The following USP42 variants were observed in gnomAD, a reference collection of about 807,000 sequenced individuals.
The protein encoded by USP42 is ubiquitin carboxyl-terminal hydrolase 42.
In USP42, 23 loss-of-function variants were observed where a neutral mutation model predicts 113.0. The ratio of observed to expected loss-of-function variants is 0.20; its 90% CI spans 0.15 to 0.29. USP42 has a LOEUF of 0.29. Ranked by LOEUF, USP42 falls within the 10% of genes least tolerant of loss-of-function variation. The pLI is 1.00. For missense variants in USP42, 2,174 were observed against 1,779.8 expected, an observed-to-expected ratio of 1.22 and a Z score of -3.99; for synonymous variants, 933 against 699.0, an observed-to-expected ratio of 1.33 and a Z score of -5.28.
intron 14 of USP42, among the ~76,000 whole-genome samples, chr7:6,151,881 C>A (rs1050935126): frequency 1.3e-5 from 2 of 152,190 alleles, no homozygotes; most frequent in Admixed American, 6.5e-5. Context: ...TGGACTGTTA[C>A]AGTGACGGGA....
At position 6,105,717 on chromosome 7, in the gene USP42, G is replaced by T. The variant is rs571420952; in HGVS notation, c.-10+685G>T. Among the ~76,000 whole-genome samples, 70 of 152,302 alleles carry T rather than the reference G, an allele frequency of 4.6e-4. 1 individual carries two copies. The highest frequency in any genetic ancestry group is 1.6e-3 in the African/African-American group (66 of 41,568). Reference sequence around the variant, plus strand: ...CCAAAAGCATGTGTGCCTCTCTAGCGTTTTTTATTTTCGGGGCAGGAAGAG... The same window carrying T: ...CCAAAAGCATGTGTGCCTCTCTAGCTTTTTTTATTTTCGGGGCAGGAAGAG... On this transcript the variant is annotated intron_variant, in intron 1 of 17. Coordinates refer to ENST00000306177, the MANE Select transcript of USP42 (RefSeq NM_032172.3).
At position 6,154,414 on chromosome 7, in the gene USP42, C is replaced by T. The variant is rs749947122; in HGVS notation, c.2860C>T (p.Arg954Cys). ...CAGAAAGGTGGACCGAGGCCACTAC[C>T]GCAGCCGGAGAGAGCGCTCGTCCAG... The part of the protein sequence containing the change: ...SLRKVDRGHY[R>C]SRRERSSSGE... Residue 954 changes from arginine (R) to cysteine (C), a missense_variant, in exon 15 of 18, where the codon CGC (arginine) becomes TGC (cysteine). Transcript: ENST00000306177. 6.3e-6 allele frequency: 10 copies of T among 1,576,136 alleles called. No individual in the cohort carries two copies. The highest frequency in any genetic ancestry group is 1.2e-5 in the South Asian group (1 of 85,970).
chr7:6,157,292 A>C lies in USP42; in HGVS notation c.3943+237A>C. 8.2e-7 allele frequency: 1 copy of C among 1,214,616 alleles called. No individual in the cohort carries two copies. Among genetic ancestry groups the C allele is most frequent in the Non-Finnish European group, 1.0e-6 (1 of 976,874 alleles). 75.2% of individuals were successfully genotyped at this position (1,214,616 alleles called of 1,614,324 possible). On this transcript the variant is annotated intron_variant, in intron 16 of 17. Coordinates refer to ENST00000306177, the MANE Select transcript of USP42 (RefSeq NM_032172.3). The surrounding 1 kb of genome is among the most constrained non-coding windows in gnomAD (Gnocchi z 4.1). ...TAAGTGACACAGGACTGAGGGCAGCACTACCTGTGTCACCAAAGCCCTGGA... is the reference window on the plus strand; with the variant it reads ...TAAGTGACACAGGACTGAGGGCAGCCCTACCTGTGTCACCAAAGCCCTGGA...
the USP42 span, among the ~76,000 whole-genome samples, chr7:6,091,525 G>T: frequency 0.038 from 5,743 of 150,792 alleles, 531 homozygotes; most frequent in East Asian, 0.39. Flanking sequence ...GCCATGCCCA[G>T]TGCCATACAT....
rs1205907506 is a variant in USP42 at position 6,158,324 on chromosome 7, G to C, written c.3944-1126G>C. Reference sequence around the variant, plus strand: ...TTTATTATTGCCCCTTGACAGAAAGGGTTTGTCACCCCTGCCTGGACGCCC... The same window carrying C: ...TTTATTATTGCCCCTTGACAGAAAGCGTTTGTCACCCCTGCCTGGACGCCC... On this transcript the variant is annotated intron_variant, in intron 16 of 17. Coordinates refer to ENST00000306177, the MANE Select transcript of USP42 (RefSeq NM_032172.3). The surrounding 1 kb of genome is among the most constrained non-coding windows in gnomAD (Gnocchi z 4.2). Among the ~76,000 whole-genome samples the C allele has an allele frequency of 6.6e-6, 1 of 152,196 alleles. No homozygotes were observed. The highest frequency in any genetic ancestry group is 1.5e-5 in the Non-Finnish European group (1 of 68,026).
rs79062432 is a variant in USP42 at position 6,138,765 on chromosome 7, T to A, written c.554-327T>A. On this transcript the variant is annotated intron_variant, in intron 4 of 17. Transcript: ENST00000306177. ...AACCCTATTGTGAACTGTGTGTGCA[T>A]GGGATCCAGGTTCCATGCTCCTTAG... Among the ~76,000 whole-genome samples, 997 of 152,302 alleles carry A rather than the reference T, an allele frequency of 6.5e-3. 9 individuals carry two copies. The highest frequency in any genetic ancestry group is 0.023 in the African/African-American group (956 of 41,576).
chr7:6,121,980 C>G (rs528384700), intron 3 of USP42, among the ~76,000 whole-genome samples: 1 of 152,168 alleles, frequency 6.6e-6, no homozygotes, highest in Non-Finnish European at 1.5e-5. Flanking sequence ...TTTGATCAAT[C>G]TGACCAGAAG....
At chr7:6,086,937 A>T in the USP42 span, among the ~76,000 whole-genome samples, 1 of 150,240 alleles carries the variant, frequency 6.7e-6, no homozygotes, top group Non-Finnish European at 1.5e-5. Flanking sequence ...CATGTTGGCC[A>T]GGCTTGTCTC....
chr7:6,129,899 A>G (rs1780756567), intron 3 of USP42, among the ~76,000 whole-genome samples: 2 of 152,060 alleles, frequency 1.3e-5, no homozygotes, highest in Admixed American at 1.3e-4. Context: ...ATACATTTAG[A>G]ACCATATCAG....
intron 12 of USP42, 94 bp from the exon 13 acceptor site, chr7:6,149,489 A>C (rs952688736): frequency 3.4e-6 from 5 of 1,473,342 alleles, no homozygotes; most frequent in African/African-American, 1.4e-5. Context: ...AAAAAAAAAA[A>C]AGCAAAATGG....
intron 3 of USP42, among the ~76,000 whole-genome samples, chr7:6,133,485 T>C (rs143606864): frequency 9.2e-5 from 14 of 152,320 alleles, no homozygotes; most frequent in Non-Finnish European, 1.9e-4. Flanking sequence ...TAATCTGTTA[T>C]TAATTACATC....
At chr7:6,136,533 A>G (rs1781163271) in intron 4 of USP42, among the ~76,000 whole-genome samples, 1 of 152,218 alleles carries the variant, frequency 6.6e-6, no homozygotes, top group Admixed American at 6.5e-5. Context: ...ATATGTTAAA[A>G]TAATTGGTAA....
At position 6,112,922 on chromosome 7, in the gene USP42, G is replaced by A. The variant is rs962981746; in HGVS notation, c.241+1548G>A. Reference sequence around the variant, plus strand: ...TTTCTTTTTTTTTTTTTTTTTTTTTGAGACAGAGTCTCGCTCTGTCGCCCA... The same window carrying A: ...TTTCTTTTTTTTTTTTTTTTTTTTTAAGACAGAGTCTCGCTCTGTCGCCCA... On this transcript the variant is annotated intron_variant, in intron 2 of 17. Transcript: ENST00000306177. Among the ~76,000 whole-genome samples the A allele has an allele frequency of 1.9e-4, 5 of 26,938 alleles. No individual in the cohort carries two copies. The Admixed American group carries it at 2.0e-3, about 11-fold the overall frequency. The allele number at this position is 26,938 out of a possible 152,430, so 17.7% of individuals were successfully genotyped here.
rs10245670 is a variant in USP42 at position 6,159,168 on chromosome 7, C to T, written c.3944-282C>T. 3.0e-3 allele frequency among the ~76,000 whole-genome samples: 450 copies of T among 152,308 alleles called. 2 individuals carry two copies. The highest frequency in any genetic ancestry group is 0.01 in the African/African-American group (419 of 41,572). ...TCAAACTCCTCCTCTGGCTCTGTTC[C>T]GCCCAGTTCAGTTCTTGGGCCTGAT... On this transcript the variant is annotated intron_variant, in intron 16 of 17. Transcript: ENST00000306177. This position sits in a 1 kb window ranked among gnomAD's most constrained non-coding sequence, Gnocchi z 4.1.
intron 7 of USP42, among the ~76,000 whole-genome samples, chr7:6,142,279 C>G (rs1419171968): frequency 6.7e-6 from 1 of 149,954 alleles, no homozygotes; most frequent in Non-Finnish European, 1.5e-5. Flanking sequence ...TGCAGTGGCT[C>G]GATCTCGGCT....
At chr7:6,109,092 C>T (rs539130524) in intron 1 of USP42, among the ~76,000 whole-genome samples, 5 of 152,208 alleles carry the variant, frequency 3.3e-5, no homozygotes, top group South Asian at 2.1e-4. Flanking sequence ...TTTCTAACCC[C>T]GTCTTGGGGG....
At position 6,105,309 on chromosome 7, in the gene USP42, G is replaced by T. The variant is rs1223245920; in HGVS notation, c.-10+277G>T. Among the ~76,000 whole-genome samples, 13 of 147,482 alleles carry T rather than the reference G, an allele frequency of 8.8e-5. 1 individual carries two copies. The East Asian group carries it at 2.2e-3, about 24-fold the overall frequency. Reference sequence around the variant, plus strand: ...CCGGGGTAGCCGGGCTGCGCGGCGAGGCCGGGCCCCCCTGGTTGCCATGGA... The same window carrying T: ...CCGGGGTAGCCGGGCTGCGCGGCGATGCCGGGCCCCCCTGGTTGCCATGGA... On this transcript the variant is annotated intron_variant, in intron 1 of 17. Transcript: ENST00000306177.
chr7:6,136,412 T>G (rs776334152), intron 4 of USP42, among the ~76,000 whole-genome samples: 1 of 152,216 alleles, frequency 6.6e-6, no homozygotes, highest in Non-Finnish European at 1.5e-5. Context: ...ATAACAAATT[T>G]TTAGTAAAAC....
the USP42 span, among the ~76,000 whole-genome samples, chr7:6,092,445 C>T: frequency 1.3e-5 from 2 of 150,874 alleles, no homozygotes; most frequent in African/African-American, 5.0e-5. Flanking sequence ...TCTCAAAGTT[C>T]TGGGATTACA....
Sources: allele counts gnomAD v4.1 joint callset (sites outside exome capture counted in the v4.1 genomes callset), GRCh38; gene constraint gnomAD v4.1.1; non-coding constraint Gnocchi (gnomAD v3.1); transcripts MANE v1.5; gene names NCBI Gene and HGNC (gene_info 2026-07-23, HGNC 2026-07-21).